Variants in ELOVL6 observed in about 807,000 individuals in gnomAD.
The protein encoded by ELOVL6 is very long chain fatty acid elongase 6.
Under a neutral mutation model 31.7 loss-of-function variants are expected in ELOVL6, and 8 were observed. The ratio of observed to expected loss-of-function variants is 0.25; its 90% CI spans 0.15 to 0.45. The LOEUF (loss-of-function observed/expected upper bound fraction) is 0.45. Among genes scored for constraint, ELOVL6 ranks in the 20% least tolerant of loss-of-function variants. The pLI is 1.00. For synonymous variants in ELOVL6, 101 were observed against 117.7 expected (o/e 0.86, Z 0.92); for missense variants, 126 against 326.4 (o/e 0.39, Z 4.73).
At chr4:110,185,500 A>C (rs537500177) in intron 1 of ELOVL6, among the ~76,000 whole-genome samples, 1 of 152,322 alleles carries the variant, frequency 6.6e-6, no homozygotes, top group East Asian at 1.9e-4. Context: ...AATCTCTTAG[A>C]GGTTTCTAGT....
At chr4:110,078,519 C>T (rs1036317079) in intron 2 of ELOVL6, among the ~76,000 whole-genome samples, 1 of 152,172 alleles carries the variant, frequency 6.6e-6, no homozygotes, top group African/African-American at 2.4e-5. Context: ...AAATAAAATA[C>T]TTTACAGACA....
chr4:110,141,063 G>GTT (rs376811801), intron 1 of ELOVL6, among the ~76,000 whole-genome samples: 2 of 151,614 alleles, frequency 1.3e-5, no homozygotes, highest in Non-Finnish European at 2.9e-5. Context: ...TATTGAATTG[G>GTT]TTTTTTTTGT....
intron 1 of ELOVL6, among the ~76,000 whole-genome samples, chr4:110,171,411 AAAATAAATAAAT>A (rs59222203): frequency 0.033 from 4,821 of 146,476 alleles, 297 homozygotes; most frequent in African/African-American, 0.12. Flanking sequence ...CTCCATCTCA[AAAATAAATAAAT>A]AAATAAATAA....
chr4:110,198,079 C>G (rs926629740), intron 1 of ELOVL6, 168 bp downstream of exon 1: 15 of 560,926 alleles, frequency 2.7e-5, no homozygotes, highest in Admixed American at 5.1e-5. Context: ...CATGTACCCC[C>G]CCCCCCCCAG....
chr4:110,084,580 A>ATT (rs1756177940), intron 2 of ELOVL6, among the ~76,000 whole-genome samples: 3 of 55,324 alleles, frequency 5.4e-5, no homozygotes, highest in African/African-American at 2.8e-4. Context: ...ATATATATAT[A>ATT]TATATATATT....
intron 2 of ELOVL6, among the ~76,000 whole-genome samples, chr4:110,084,549 C>CAGATATATATTTATATAT (rs1560815682): frequency 5.5e-5 from 4 of 72,740 alleles, no homozygotes; most frequent in African/African-American, 3.0e-4. Context: ...CACACACACA[C>CAGATATATATTTATATAT]ACACACACAC....
chr4:110,082,662 T>G (rs927195088), intron 2 of ELOVL6, among the ~76,000 whole-genome samples: 6 of 152,038 alleles, frequency 3.9e-5, no homozygotes, highest in Non-Finnish European at 7.4e-5. Context: ...AGTTAATGGG[T>G]GCAGCACACC....
At chr4:110,168,767 C>T (rs1016435632) in intron 1 of ELOVL6, among the ~76,000 whole-genome samples, 6 of 152,106 alleles carry the variant, frequency 3.9e-5, no homozygotes, top group Non-Finnish European at 4.4e-5. Context: ...TTTGAAGCCT[C>T]ACTCTGCCAA....
At chr4:110,118,500 G>A (rs1353052375) in intron 1 of ELOVL6, among the ~76,000 whole-genome samples, 1 of 152,108 alleles carries the variant, frequency 6.6e-6, no homozygotes, top group Admixed American at 6.5e-5. Flanking sequence ...ACATATAAAT[G>A]AAATCACACA....
intron 2 of ELOVL6, among the ~76,000 whole-genome samples, chr4:110,068,324 A>G (rs28473167): frequency 0.018 from 2,796 of 152,324 alleles, 89 homozygotes; most frequent in African/African-American, 0.064. Context: ...TACATGTTGC[A>G]GTGCGAAGCC....
At chr4:110,080,223 C>A (rs1755792440) in intron 2 of ELOVL6, among the ~76,000 whole-genome samples, 1 of 152,158 alleles carries the variant, frequency 6.6e-6, no homozygotes, top group Non-Finnish European at 1.5e-5. Flanking sequence ...GAGAGGGAAT[C>A]CTTCCTAACT....
intron 1 of ELOVL6, among the ~76,000 whole-genome samples, chr4:110,152,731 GAGGATTGTGACAACC>G (rs1758311619): frequency 6.6e-6 from 1 of 152,236 alleles, no homozygotes; most frequent in Non-Finnish European, 1.5e-5. Context: ...TAGAAGTAGT[GAGGATTGTGACAACC>G]AGGTTGCTAT....
intron 1 of ELOVL6, among the ~76,000 whole-genome samples, chr4:110,184,949 C>G (rs1052818976): frequency 2.0e-5 from 3 of 152,194 alleles, no homozygotes; most frequent in Non-Finnish European, 4.4e-5. Context: ...GTCTGGACCC[C>G]TCCACAGATC....
At chr4:110,090,603 T>TTTTGTTTTTTTTTTTTTG (rs1420525402) in intron 2 of ELOVL6, among the ~76,000 whole-genome samples, 8 of 139,058 alleles carry the variant, frequency 5.8e-5, no homozygotes, top group Admixed American at 5.6e-4. Context: ...TGACTTTCTT[T>TTTTGTTTTTTTTTTTTTG]TTTTTTTTTT....
chr4:110,177,688 G>T (rs2126276265), intron 1 of ELOVL6, among the ~76,000 whole-genome samples: 1 of 152,132 alleles, frequency 6.6e-6, no homozygotes, highest in African/African-American at 2.4e-5. Context: ...AACTCAGATA[G>T]AACCTAGGTC....
chr4:110,102,000 A>T (rs1476476412), intron 2 of ELOVL6, among the ~76,000 whole-genome samples: 3 of 152,306 alleles, frequency 2.0e-5, no homozygotes, highest in African/African-American at 7.2e-5. Context: ...CTCTATAAAT[A>T]TTTTTATATT....
intron 1 of ELOVL6, among the ~76,000 whole-genome samples, chr4:110,128,413 C>T (rs918647652): frequency 5.9e-5 from 9 of 152,110 alleles, no homozygotes; most frequent in East Asian, 5.8e-4. Flanking sequence ...AATGAAGTCA[C>T]GTGCTTGGAT....
chr4:110,186,430 G>T (rs6819999), intron 1 of ELOVL6, among the ~76,000 whole-genome samples: 70,418 of 151,664 alleles, frequency 0.46, 17,312 homozygotes, highest in African/African-American at 0.64. Flanking sequence ...TCTTTCTTTT[G>T]TCCTCTTCTG....
intron 2 of ELOVL6, among the ~76,000 whole-genome samples, chr4:110,080,138 T>A (rs1395309603): frequency 6.6e-6 from 1 of 152,188 alleles, no homozygotes; most frequent in Non-Finnish European, 1.5e-5. Context: ...CCAGATGGAT[T>A]CACAGCCGAA....
Sources: allele counts gnomAD v4.1 joint callset (sites outside exome capture counted in the v4.1 genomes callset), GRCh38; gene constraint gnomAD v4.1.1; transcripts MANE v1.5; gene names NCBI Gene and HGNC (gene_info 2026-07-23, HGNC 2026-07-21).